The following GRM2 variants were observed in gnomAD, a reference collection of about 807,000 sequenced individuals.
GRM2 encodes the protein glutamate metabotropic receptor 2.
GRM2 carries 35 observed loss-of-function variants against 60.4 expected under a neutral mutation model. The observed-to-expected ratio is 0.58, with a 90% CI of 0.44 to 0.77. The LOEUF is 0.77. GRM2 is among the 30% of genes least tolerant of loss of function. The pLI is 0.00. For synonymous variants in GRM2, 437 were observed against 484.1 expected, an observed-to-expected ratio of 0.90 and a Z score of 1.28; for missense variants, 925 against 1,199.5, an observed-to-expected ratio of 0.77 and a Z score of 3.38.
chr3:51,715,121 A>G lies in GRM2; in HGVS notation c.1348A>G (p.Ile450Val). The G allele has an allele frequency of 6.2e-7, 1 of 1,606,632 alleles. No homozygotes were observed. Among genetic ancestry groups the G allele is most frequent in the East Asian group, 2.2e-5 (1 of 44,794 alleles). ...EVRFDRFGDG[I>V]GRYNIFTYLR... The stretch of plus-strand genomic sequence containing the variant: ...CCGCTTTGACCGCTTTGGTGATGGT[A>G]TTGGCCGCTACAACATCTTCACCTA... Residue 450 changes from isoleucine (I) to valine (V), a missense_variant, in exon 4 of 6, where the codon ATT becomes GTT. Transcript: ENST00000395052. The surrounding 1 kb of genome is among the most constrained non-coding windows in gnomAD (Gnocchi z 9.0).
chr3:51,709,837 A>G (rs2107092857), intron 2 of GRM2, among the ~76,000 whole-genome samples: 1 of 69,734 alleles, frequency 1.4e-5, no homozygotes, highest in East Asian at 4.0e-4. Context: ...CCAGACACAC[A>G]CACCCTCACA....
At position 51,718,197 on chromosome 3, in the gene GRM2, G is replaced by A; in HGVS notation, c.*85G>A. 9.0e-7 allele frequency: 1 copy of A among 1,115,482 alleles called. No homozygotes were observed. The highest frequency in any genetic ancestry group is 1.4e-6 in the Non-Finnish European group (1 of 724,600). 69.1% of individuals were successfully genotyped at this position (1,115,482 alleles called of 1,614,324 possible). On this transcript the variant is annotated 3_prime_UTR_variant, in exon 6 of 6. Transcript: ENST00000395052. The surrounding 1 kb of genome is among the most constrained non-coding windows in gnomAD (Gnocchi z 4.2). ...CAGGGCCAGGAGGAAGTTGGCTGGA[G>A]CACTGCAATAATTTATTACCCACCC...
Position 51,713,581 on chromosome 3 carries a change from C to G in GRM2, c.1288+271C>G. On this transcript the variant is annotated intron_variant, in intron 3 of 5. Coordinates refer to ENST00000395052, the MANE Select transcript of GRM2 (RefSeq NM_000839.5). The surrounding 1 kb of genome is among the most constrained non-coding windows in gnomAD (Gnocchi z 4.8). ...CTCCTCCTTGGGCCTTGCCCACTGTCTTCTGTCTCCTTATCTTGCCAAAGG... is the reference window on the plus strand; with the variant it reads ...CTCCTCCTTGGGCCTTGCCCACTGTGTTCTGTCTCCTTATCTTGCCAAAGG... The G allele has an allele frequency of 2.2e-6, 1 of 456,018 alleles. No individual in the cohort carries two copies. The allele number at this position is 456,018 out of a possible 1,614,324, so 28.2% of individuals were successfully genotyped here. A position where few individuals can be genotyped will look rare whatever the true frequency, so the allele number is the denominator to read the frequency against.
At position 51,716,917 on chromosome 3, in the gene GRM2, G is replaced by A; in HGVS notation, c.2365-720G>A. On this transcript the variant is annotated intron_variant, in intron 4 of 5. Coordinates refer to ENST00000395052, the MANE Select transcript of GRM2 (RefSeq NM_000839.5). The surrounding 1 kb of genome is among the most constrained non-coding windows in gnomAD (Gnocchi z 4.0). ...GCCCCTTCCCCAGGACAGAGGTGTG[G>A]TGGCACAGTGCTGGGGGCCAGGGAC... is the stretch of plus-strand genomic sequence containing the variant. 6.6e-6 allele frequency among the ~76,000 whole-genome samples: 1 copy of A among 152,180 alleles called. No individual in the cohort carries two copies. Among genetic ancestry groups the A allele is most frequent in the East Asian group, 1.9e-4 (1 of 5,184 alleles).
chr3:51,714,729 G>A, intron 3 of GRM2: 1 of 233,824 alleles, frequency 4.3e-6, no homozygotes, highest in Non-Finnish European at 8.2e-6. Flanking sequence ...GGGTTGGAAA[G>A]TGTTGGATAG....
intron 1 of GRM2, chr3:51,708,370 G>C (rs1304179651): frequency 2.0e-5 from 3 of 152,250 alleles, no homozygotes; most frequent in African/African-American, 7.2e-5. Flanking sequence ...GTCCCTTAGA[G>C]ATGCTTCCCT....
At position 51,718,100 on chromosome 3, in the gene GRM2, G is replaced by A. The variant is rs369553502; in HGVS notation, c.2607G>A (p.Thr869=). 1.2e-5 allele frequency: 20 copies of A among 1,613,884 alleles called. No homozygotes were observed. Among genetic ancestry groups the A allele is most frequent in the African/African-American group, 9.3e-5 (7 of 74,932 alleles). ...GCCGTGAGGTGGTGGACTCGACAACGTCATCGCTTTGAAGACCCCATACTC... is the reference window on the plus strand; with the variant it reads ...GCCGTGAGGTGGTGGACTCGACAACATCATCGCTTTGAAGACCCCATACTC... ...CNGREVVDST[T]SSL is the part of the protein sequence containing the mutation. The change falls in exon 6 of 6, where the codon ACG becomes ACA. Residue 869 remains threonine, a synonymous_variant. Transcript: ENST00000395052. This position sits in a 1 kb window ranked among gnomAD's most constrained non-coding sequence, Gnocchi z 4.2.
In GRM2 at chr3:51,712,945, A is replaced by AG; in HGVS notation, c.928dup (p.Ala310GlyfsTer3). The AG allele has an allele frequency of 1.2e-6, 2 of 1,612,986 alleles. No homozygotes were observed. Among genetic ancestry groups the AG allele is most frequent in the Non-Finnish European group, 1.7e-6 (2 of 1,179,984 alleles). Reference sequence around the variant, plus strand: ...CTGGAGAGTGTGGTGGCAGGCAGTGAGGGGGCTGCTGAGGGTGCTATCACC... The same window carrying AG: ...CTGGAGAGTGTGGTGGCAGGCAGTGAGGGGGGCTGCTGAGGGTGCTATCACC... On this transcript the variant is annotated frameshift_variant, in exon 3 of 6. Coordinates refer to ENST00000395052, the MANE Select transcript of GRM2 (RefSeq NM_000839.5). LOFTEE classifies it high-confidence loss of function. This position sits in a 1 kb window ranked among gnomAD's most constrained non-coding sequence, Gnocchi z 5.3.
chr3:51,717,921 C>A lies in GRM2; in HGVS notation c.2545+104C>A. On this transcript the variant is annotated intron_variant, in intron 5 of 5. Transcript: ENST00000395052. This position sits in a 1 kb window ranked among gnomAD's most constrained non-coding sequence, Gnocchi z 6.0. ...GGGGTGAGGTGCCCCCCAAATGACACTGGCAGGAGAGGACAGGAGAGGGGA... is the reference window on the plus strand; with the variant it reads ...GGGGTGAGGTGCCCCCCAAATGACAATGGCAGGAGAGGACAGGAGAGGGGA... 7.0e-7 allele frequency: 1 copy of A among 1,426,710 alleles called. No homozygotes were observed. Among genetic ancestry groups the A allele is most frequent in the Non-Finnish European group, 9.9e-7 (1 of 1,010,844 alleles). The allele number at this position is 1,426,710 out of a possible 1,614,324, so 88.4% of individuals were successfully genotyped here. A position where few individuals can be genotyped will look rare whatever the true frequency, so the allele number is the denominator to read the frequency against.
Position 51,713,300 on chromosome 3 carries a change from C to T in GRM2, c.1278C>T (p.Val426=). 2 of 1,604,236 alleles carry T rather than the reference C, an allele frequency of 1.2e-6. No homozygotes were observed. Among genetic ancestry groups the T allele is most frequent in the Non-Finnish European group, 1.7e-6 (2 of 1,173,492 alleles). The change falls in exon 3 of 6, where the codon GTC becomes GTT. Residue 426 remains valine, a synonymous_variant. Coordinates refer to ENST00000395052, the MANE Select transcript of GRM2 (RefSeq NM_000839.5). This position sits in a 1 kb window ranked among gnomAD's most constrained non-coding sequence, Gnocchi z 4.8. ...TCTACAAGGACTTTGTGCTCAACGT[C>T]AAGTTTGATGGTAATGGTGTTGGCC... ...RRLYKDFVLN[V]KFDAPFRPAD... is the part of the protein sequence containing the mutation.
In GRM2 at chr3:51,716,238, T is replaced by C. The variant is rs965030470; in HGVS notation, c.2364+101T>C. ...TGGTAGCTCTGGGGTTCCAAGAGGA[T>C]AATGCCCACTCAGGGGACCACAGCT... On this transcript the variant is annotated intron_variant, in intron 4 of 5. Transcript: ENST00000395052. The surrounding 1 kb of genome is among the most constrained non-coding windows in gnomAD (Gnocchi z 4.0). 3.8e-6 allele frequency: 3 copies of C among 787,222 alleles called. No homozygotes were observed. The African/African-American group carries it at 5.2e-5, about 14-fold the overall frequency. 48.8% of individuals were successfully genotyped at this position (787,222 alleles called of 1,614,324 possible). A position where few individuals can be genotyped will look rare whatever the true frequency, so the allele number is the denominator to read the frequency against.
Position 51,718,341 on chromosome 3 carries a change from C to T in GRM2, c.*229C>T. The T allele has an allele frequency of 1.8e-6, 1 of 563,412 alleles. No individual in the cohort carries two copies. Among genetic ancestry groups the T allele is most frequent in the Non-Finnish European group, 3.2e-6 (1 of 313,368 alleles). 34.9% of individuals were successfully genotyped at this position (563,412 alleles called of 1,614,324 possible). A position where few individuals can be genotyped will look rare whatever the true frequency, so the allele number is the denominator to read the frequency against. Reference sequence around the variant, plus strand: ...ACTAACTGCCCTTGTAGCTGTGTTTCCTCCTGGCCAGGCCCAGGGCTCAGA... The same window carrying T: ...ACTAACTGCCCTTGTAGCTGTGTTTTCTCCTGGCCAGGCCCAGGGCTCAGA... On this transcript the variant is annotated 3_prime_UTR_variant, in exon 6 of 6. Transcript: ENST00000395052. The surrounding 1 kb of genome is among the most constrained non-coding windows in gnomAD (Gnocchi z 4.2).
At chr3:51,710,071 T>C (rs113160312) in intron 2 of GRM2, among the ~76,000 whole-genome samples, 3 of 151,582 alleles carry the variant, frequency 2.0e-5, no homozygotes, top group African/African-American at 4.8e-5. Context: ...CCCACTGCAA[T>C]CTCTGCCTCC....
Position 51,716,144 on chromosome 3 carries a change from T to C in GRM2, c.2364+7T>C. 6.3e-7 allele frequency: 1 copy of C among 1,586,006 alleles called. No homozygotes were observed. Among genetic ancestry groups the C allele is most frequent in the Non-Finnish European group, 8.7e-7 (1 of 1,154,614 alleles). On this transcript the variant is annotated splice_region_variant and intron_variant, in intron 4 of 5. Coordinates refer to ENST00000395052, the MANE Select transcript of GRM2 (RefSeq NM_000839.5). The surrounding 1 kb of genome is among the most constrained non-coding windows in gnomAD (Gnocchi z 4.0). Reference sequence around the variant, plus strand: ...CACCTCCAGTGACTACCGGGTGAGCTACCTGCCACAGAGGTCGGGGGAGAT... The same window carrying C: ...CACCTCCAGTGACTACCGGGTGAGCCACCTGCCACAGAGGTCGGGGGAGAT...
Position 51,716,821 on chromosome 3 carries a change from A to G in GRM2, c.2364+684A>G, listed in dbSNP as rs1050788186. Among the ~76,000 whole-genome samples the G allele has an allele frequency of 2.0e-5, 3 of 152,234 alleles. No homozygotes were observed. The highest frequency in any genetic ancestry group is 7.2e-5 in the African/African-American group (3 of 41,464). On this transcript the variant is annotated intron_variant, in intron 4 of 5. Transcript: ENST00000395052. This position sits in a 1 kb window ranked among gnomAD's most constrained non-coding sequence, Gnocchi z 4.0. ...TCAGGGAGGTTCAATCCCTTGCCCA[A>G]GGTCACTCAGCTTGGGAGTGCAGAG...
In GRM2 at chr3:51,712,714, G is replaced by A. The variant is rs147501226; in HGVS notation, c.692G>A (p.Arg231His). 1.3e-5 allele frequency: 21 copies of A among 1,613,658 alleles called. No individual in the cohort carries two copies. Among genetic ancestry groups the A allele is most frequent in the East Asian group, 4.5e-5 (2 of 44,886 alleles). Residue 231 changes from arginine to histidine, a missense_variant, in exon 3 of 6, where the codon CGC (arginine) becomes CAC (histidine). Transcript: ENST00000395052. This position sits in a 1 kb window ranked among gnomAD's most constrained non-coding sequence, Gnocchi z 5.3. ...GCCTTTGAGCTAGAGGCTCGTGCCC[G>A]CAACATCTGTGTGGCCACCTCGGAG... ...IEAFELEARA[R>H]NICVATSEKV... is the part of the protein sequence containing the mutation.
rs768195509 is a variant in GRM2, at chr3:51,712,639, A to AG, written c.617_618insG (p.Tyr206Ter). 2 of 1,613,946 alleles carry AG rather than the reference A, an allele frequency of 1.2e-6. No individual in the cohort carries two copies. The highest frequency in any genetic ancestry group is 2.7e-5 in the African/African-American group (2 of 74,912). ...ATTCTCCGCTTCTTCAACTGGACCT[A>AG]TGTGTCCACTGTGGCGTCTGAGGGC... ...AEILRFFNWTYVSTVASEGDY... is the reference protein window; with the variant it reads ...AEILRFFNWT Residue 206 changes from tyrosine (Y) to a stop codon, truncating the protein, a stop_gained and frameshift_variant, in exon 3 of 6, where the codon TAT becomes TAGT. Transcript: ENST00000395052. LOFTEE classifies it high-confidence loss of function. This position sits in a 1 kb window ranked among gnomAD's most constrained non-coding sequence, Gnocchi z 5.3.
In GRM2 at chr3:51,712,604, C is replaced by T; in HGVS notation, c.582C>T (p.Ala194=). Residue 194 remains alanine (A), a synonymous_variant, in exon 3 of 6, where the codon GCC becomes GCT. Coordinates refer to ENST00000395052, the MANE Select transcript of GRM2 (RefSeq NM_000839.5). This position sits in a 1 kb window ranked among gnomAD's most constrained non-coding sequence, Gnocchi z 5.3. ...CTCCTGACTTCTTCCAAGCCAAGGC[C>T]ATGGCTGAGATTCTCCGCTTCTTCA... ...TVPPDFFQAK[A]MAEILRFFNW... 1 of 1,614,154 alleles carries T rather than the reference C, an allele frequency of 6.2e-7. No homozygotes were observed.
Position 51,712,982 on chromosome 3 carries a change from C to T in GRM2, c.960C>T (p.Ala320=). ...AGGGTGCTATCACCATCGAGCTGGC[C>T]TCCTACCCCATCAGTGACTTTGCCT... ...AAEGAITIEL[A]SYPISDFASY... Residue 320 remains alanine (A), a synonymous_variant, in exon 3 of 6, where the codon GCC becomes GCT. Coordinates refer to ENST00000395052, the MANE Select transcript of GRM2 (RefSeq NM_000839.5). The surrounding 1 kb of genome is among the most constrained non-coding windows in gnomAD (Gnocchi z 5.3). 2 of 1,613,294 alleles carry T rather than the reference C, an allele frequency of 1.2e-6. No homozygotes were observed. The highest frequency in any genetic ancestry group is 8.5e-7 in the Non-Finnish European group (1 of 1,180,034).
Sources: allele counts gnomAD v4.1 joint callset (sites outside exome capture counted in the v4.1 genomes callset), GRCh38; gene constraint gnomAD v4.1.1; non-coding constraint Gnocchi (gnomAD v3.1); transcripts MANE v1.5; gene names NCBI Gene and HGNC (gene_info 2026-07-23, HGNC 2026-07-21).